The following SATL1 variants were observed in gnomAD, a reference collection of about 807,000 sequenced individuals.
The protein encoded by SATL1 is spermidine/spermine N1-acetyl transferase like 1.
In SATL1, 47 loss-of-function variants were observed where a neutral mutation model predicts 51.8. That is an observed-to-expected ratio of 0.91 (90% CI 0.72 to 1.16). SATL1 has a LOEUF of 1.16. Ranked by LOEUF, SATL1 falls within the 50% of genes most tolerant of loss-of-function variation. The pLI, the probability that SATL1 is intolerant of heterozygous loss-of-function variation, is 0.00. For missense variants in SATL1, 520 were observed against 526.4 expected (o/e 0.99, Z 0.12); for synonymous variants, 176 against 182.4 (o/e 0.97, Z 0.28).
intron 4 of SATL1, among the ~76,000 whole-genome samples, chrX:85,098,191 T>A (rs996316938): frequency 2.7e-5 from 3 of 111,760 alleles, no homozygotes; most frequent in African/African-American, 9.8e-5. Flanking sequence ...TATACTAGTA[T>A]CAGACAAAAT....
chrX:85,180,298 C>T (rs1927173426), intron 2 of SATL1, among the ~76,000 whole-genome samples: 1 of 110,859 alleles, frequency 9.0e-6, no homozygotes. Flanking sequence ...TGAAGTCAGG[C>T]AGTGGAGGAA....
intron 2 of SATL1, among the ~76,000 whole-genome samples, chrX:85,216,011 G>C (rs1393760767): frequency 8.9e-6 from 1 of 112,080 alleles, no homozygotes; most frequent in Non-Finnish European, 1.9e-5. Context: ...ATTAAGAAAA[G>C]AGGTTTACTT....
chrX:85,203,319 C>T (rs975092694), intron 2 of SATL1, among the ~76,000 whole-genome samples: 1 of 111,321 alleles, frequency 9.0e-6, no homozygotes, highest in African/African-American at 3.3e-5. Context: ...CTTAAAAAAG[C>T]AGTCTGGCCA....
chrX:85,128,989 C>T (rs1209318387), intron 2 of SATL1, among the ~76,000 whole-genome samples: 2 of 111,516 alleles, frequency 1.8e-5, no homozygotes, highest in Non-Finnish European at 3.8e-5. Flanking sequence ...GGGCTCTGTT[C>T]TGTTCCATTG....
chrX:85,229,089 A>C (rs1018771417), intron 1 of SATL1, among the ~76,000 whole-genome samples: 1 of 111,457 alleles, frequency 9.0e-6, no homozygotes, highest in Non-Finnish European at 1.9e-5. Flanking sequence ...CATCCAATCT[A>C]CCAGTGAAAT....
chrX:85,100,239 G>C (rs749645077), intron 4 of SATL1, among the ~76,000 whole-genome samples: 2 of 111,748 alleles, frequency 1.8e-5, no homozygotes, highest in South Asian at 7.4e-4. Flanking sequence ...ATCCATAGTA[G>C]AAAGGAAAAG....
chrX:85,149,634 CA>C (rs891271021), intron 2 of SATL1, among the ~76,000 whole-genome samples: 2 of 111,662 alleles, frequency 1.8e-5, no homozygotes, highest in Non-Finnish European at 3.8e-5. Context: ...ACAGTGCAAT[CA>C]AATTAGAACT....
chrX:85,102,625 G>A (rs142143858), intron 4 of SATL1, among the ~76,000 whole-genome samples: 149 of 111,150 alleles, frequency 1.3e-3, no homozygotes, highest in African/African-American at 4.5e-3. Context: ...AAGGCAGGAT[G>A]CTGGAGTATA....
intron 3 of SATL1, among the ~76,000 whole-genome samples, chrX:85,105,939 A>C (rs1925028757): frequency 8.9e-6 from 1 of 112,073 alleles, no homozygotes; most frequent in South Asian, 3.7e-4. Context: ...TACATGTGGC[A>C]AATTAAAAAG....
intron 2 of SATL1, among the ~76,000 whole-genome samples, chrX:85,151,500 C>T (rs1926436567): frequency 9.0e-6 from 1 of 111,459 alleles, no homozygotes; most frequent in African/African-American, 3.3e-5. Context: ...AAGGAGCCTG[C>T]ATTGCCAAGT....
At chrX:85,132,382 G>A (rs984217252) in intron 2 of SATL1, among the ~76,000 whole-genome samples, 2 of 108,563 alleles carry the variant, frequency 1.8e-5, no homozygotes, top group South Asian at 4.0e-4. Flanking sequence ...TTCTCTTATC[G>A]CTTCATTTCA....
At chrX:85,228,830 C>A (rs1187795240) in intron 1 of SATL1, among the ~76,000 whole-genome samples, 1 of 111,679 alleles carries the variant, frequency 9.0e-6, no homozygotes, top group African/African-American at 3.3e-5. Context: ...CAGTCCTTCT[C>A]TTCTAAATAT....
At chrX:85,236,673 T>C (rs1928487750) in intron 1 of SATL1, among the ~76,000 whole-genome samples, 1 of 111,206 alleles carries the variant, frequency 9.0e-6, no homozygotes, top group Admixed American at 9.5e-5. Context: ...AAACTGGTAA[T>C]AGAAGGAATG....
chrX:85,204,924 T>C (rs2147752405), intron 2 of SATL1, among the ~76,000 whole-genome samples: 1 of 112,285 alleles, frequency 8.9e-6, no homozygotes, highest in Admixed American at 9.4e-5. Context: ...AGAAGCCAAA[T>C]TGATTAGTTT....
In SATL1 at chrX:85,209,833, C is replaced by T. The variant is rs778450279; in HGVS notation, c.-313+14372G>A. ...GAAGGTTTTTTTGTGTCTCCATCTC[C>T]TTCAGTTCTGCTTGATCTTAGTTAT... is the stretch of plus-strand genomic sequence containing the variant. On this transcript the variant is annotated intron_variant, in intron 2 of 7. Transcript: ENST00000644105. 8 of 110,123 alleles carry T rather than the reference C, an allele frequency of 7.3e-5. No homozygotes were observed. In the South Asian group the frequency reaches 2.7e-3, roughly 38 times the overall value. The allele number at this position is 110,123 out of a possible 1,213,427, so 9.1% of individuals were successfully genotyped here. A position where few individuals can be genotyped will look rare whatever the true frequency, so the allele number is the denominator to read the frequency against.
intron 2 of SATL1, among the ~76,000 whole-genome samples, chrX:85,194,676 T>C (rs934987788): frequency 3.6e-5 from 4 of 110,582 alleles, no homozygotes; most frequent in East Asian, 2.9e-4. Flanking sequence ...ATATACACCA[T>C]GGAATACCAT....
chrX:85,100,114 G>A (rs1186298212), intron 4 of SATL1, among the ~76,000 whole-genome samples: 11 of 112,238 alleles, frequency 9.8e-5, no homozygotes, highest in Non-Finnish European at 2.1e-4. Flanking sequence ...GCAGAGGCAG[G>A]AGAATTGCTT....
chrX:85,183,878 A>C (rs989652259), intron 2 of SATL1, among the ~76,000 whole-genome samples: 10 of 111,492 alleles, frequency 9.0e-5, no homozygotes, highest in African/African-American at 2.9e-4. Context: ...CAAATACTAG[A>C]TCTTATTCAT....
chrX:85,207,035 G>T (rs1417803213), intron 2 of SATL1, among the ~76,000 whole-genome samples: 1 of 111,655 alleles, frequency 9.0e-6, no homozygotes, highest in Non-Finnish European at 1.9e-5. Flanking sequence ...GAGGTTATCT[G>T]GGAATAAACA....
Sources: allele counts gnomAD v4.1 joint callset (sites outside exome capture counted in the v4.1 genomes callset), GRCh38; gene constraint gnomAD v4.1.1; transcripts MANE v1.5; gene names NCBI Gene and HGNC (gene_info 2026-07-23, HGNC 2026-07-21).